Variants in ZNF345 observed in about 807,000 individuals in gnomAD.
The protein encoded by ZNF345 is zinc finger protein HZF10.
For missense variants in ZNF345, 527 were observed against 589.9 expected (o/e 0.89, Z 1.10); for synonymous variants, 166 against 187.9 (o/e 0.88, Z 0.95).
downstream of ZNF345, among the ~76,000 whole-genome samples, chr19:36,884,362 A>G (rs1336486973): frequency 6.6e-6 from 1 of 152,114 alleles, no homozygotes; most frequent in Non-Finnish European, 1.5e-5. Flanking sequence ...CTGGCCTATG[A>G]TTACAACCTT....
intron 3 of ZNF345, among the ~76,000 whole-genome samples, chr19:36,887,190 C>A (rs565770966): frequency 6.1e-5 from 9 of 147,876 alleles, no homozygotes; most frequent in South Asian, 4.2e-4. Flanking sequence ...ACCACCACCA[C>A]CACCACCAAC....
chr19:36,871,954 A>G (rs1019252811), intron 2 of ZNF345, among the ~76,000 whole-genome samples: 3 of 151,904 alleles, frequency 2.0e-5, no homozygotes, highest in African/African-American at 7.3e-5. Context: ...TTTAGTAGAG[A>G]CGGGGTTTCT....
rs781027856 is a variant in ZNF345 at position 36,877,925 on chromosome 19, T to C, written c.1095T>C (p.Thr365=). ...SDLTQHHRIH[T]GEKPYECKEC... ...TTACTCAACATCACAGAATTCATAC[T>C]GGTGAGAAACCCTATGAATGTAAGG... The change falls in exon 3 of 3, where the codon ACT becomes ACC. Residue 365 remains threonine, a synonymous_variant. Transcript: ENST00000420450. The C allele has an allele frequency of 1.9e-6, 3 of 1,614,176 alleles. No individual in the cohort carries two copies. Among genetic ancestry groups the C allele is most frequent in the Non-Finnish European group, 2.5e-6 (3 of 1,180,016 alleles).
intron 2 of ZNF345, among the ~76,000 whole-genome samples, chr19:36,872,002 G>A (rs2146189165): frequency 1.3e-5 from 2 of 152,122 alleles, no homozygotes; most frequent in Middle Eastern, 6.8e-3. Context: ...CCCGACCTCA[G>A]GTGATCTGCC....
intron 3 of ZNF345, chr19:36,888,963 G>C (rs1405508024): frequency 6.6e-6 from 1 of 152,130 alleles, no homozygotes; most frequent in Non-Finnish European, 1.5e-5. Flanking sequence ...GTAGAGACAG[G>C]GTTTCGCCAT....
At chr19:36,869,765 T>C (rs554742859) in intron 2 of ZNF345, among the ~76,000 whole-genome samples, 1 of 99,514 alleles carries the variant, frequency 1.0e-5, no homozygotes, top group Admixed American at 9.9e-5. Flanking sequence ...ATCATTTAGC[T>C]TTTTTTTTTT....
At chr19:36,885,180 GAA>G (rs1012595372) in intron 3 of ZNF345, among the ~76,000 whole-genome samples, 10 of 151,704 alleles carry the variant, frequency 6.6e-5, no homozygotes, top group Non-Finnish European at 1.0e-4. Context: ...TTAGTTACTA[GAA>G]TTATATATAG....
At chr19:36,874,041 G>A (rs940584764) in intron 2 of ZNF345, among the ~76,000 whole-genome samples, 2 of 152,090 alleles carry the variant, frequency 1.3e-5, no homozygotes, top group Non-Finnish European at 2.9e-5. Context: ...AGACTTTTAT[G>A]GGTACTTAGT....
At chr19:36,873,273 T>C (rs2072806685) in intron 2 of ZNF345, among the ~76,000 whole-genome samples, 1 of 152,150 alleles carries the variant, frequency 6.6e-6, no homozygotes, top group African/African-American at 2.4e-5. Flanking sequence ...TCCTATATAG[T>C]CTGTCTTCTG....
intron 1 of ZNF345, chr19:36,851,217 C>G (rs1270006210): frequency 2.0e-5 from 3 of 152,360 alleles, no homozygotes; most frequent in African/African-American, 7.3e-5. Context: ...TCCTGGACCG[C>G]GGTTGTGACT....
chr19:36,858,945 G>A (rs74989579), intron 2 of ZNF345, among the ~76,000 whole-genome samples: 4,269 of 152,068 alleles, frequency 0.028, 175 homozygotes, highest in African/African-American at 0.095. Flanking sequence ...TTTGGCAGAG[G>A]CAATCAACAA....
intron 3 of ZNF345, chr19:36,891,614 A>C (rs2073052866): frequency 6.2e-7 from 1 of 1,613,584 alleles, no homozygotes; most frequent in Non-Finnish European, 8.5e-7. Context: ...GTAAGATTTG[A>C]GCCTTTATTA....
downstream of ZNF345, among the ~76,000 whole-genome samples, chr19:36,882,239 T>G (rs929270154): frequency 6.6e-6 from 1 of 152,160 alleles, no homozygotes; most frequent in Non-Finnish European, 1.5e-5. Flanking sequence ...CTACAAGATT[T>G]CCTTTGAATA....
downstream of ZNF345, among the ~76,000 whole-genome samples, chr19:36,879,739 A>G (rs1023866252): frequency 6.6e-6 from 1 of 152,106 alleles, no homozygotes; most frequent in Non-Finnish European, 1.5e-5. Context: ...ATGTTAACCA[A>G]TTTACTTATT....
downstream of ZNF345, among the ~76,000 whole-genome samples, chr19:36,883,437 T>C (rs2072979933): frequency 1.3e-5 from 2 of 152,206 alleles, no homozygotes; most frequent in African/African-American, 4.8e-5. Flanking sequence ...CCCCCGTGGG[T>C]TTGTTTCCCT....
chr19:36,876,370 A>T (rs191174826), intron 2 of ZNF345, among the ~76,000 whole-genome samples: 1 of 152,310 alleles, frequency 6.6e-6, no homozygotes, highest in Admixed American at 6.5e-5. Flanking sequence ...AACAACCCTG[A>T]TAAATGAATA....
At position 36,891,942 on chromosome 19, in the gene ZNF345, A is replaced by C. The variant is rs757376817; in HGVS notation, c.47-876A>C. ...CAGTATGAATTCTCAGATGTAGAAA[A>C]AGTTGTGAACTTTTAGTAAAGGCTT... On this transcript the variant is annotated intron_variant, in intron 3 of 3. Coordinates refer to the ZNF345 transcript ENST00000526123. The C allele has an allele frequency of 2.5e-6, 4 of 1,613,774 alleles. No homozygotes were observed. The South Asian group carries it at 4.4e-5, about 18-fold the overall frequency.
chr19:36,859,958 G>A (rs527308299), intron 2 of ZNF345, among the ~76,000 whole-genome samples: 1 of 151,214 alleles, frequency 6.6e-6, no homozygotes, highest in African/African-American at 2.4e-5. Flanking sequence ...AGATTTTTTT[G>A]TTTGTTTGTT....
At chr19:36,892,458 C>A in intron 3 of ZNF345, 1 of 1,583,130 alleles carries the variant, frequency 6.3e-7, no homozygotes, top group Non-Finnish European at 8.5e-7. Context: ...TGGTCTCACA[C>A]ATTGATTCCA....
Sources: gnomAD v4.1 joint callset for allele counts (sites outside exome capture counted in the v4.1 genomes callset) on GRCh38, gnomAD v4.1.1 for gene constraint, MANE v1.5 for transcripts, NCBI Gene and HGNC (gene_info 2026-07-23, HGNC 2026-07-21) for gene names.